Variants in FADS2 observed in about 807,000 individuals in gnomAD.
FADS2 encodes the protein acyl-CoA 6-desaturase.
Under a neutral mutation model 61.2 loss-of-function variants are expected in FADS2, and 18 were observed. The ratio of observed to expected loss-of-function variants is 0.29; its 90% CI spans 0.20 to 0.44. The LOEUF (loss-of-function observed/expected upper bound fraction) is 0.44, where lower values mean the gene tolerates loss of function less well. Ranked by LOEUF, FADS2 falls within the 20% of genes least tolerant of loss-of-function variation. The pLI, the probability that FADS2 is intolerant of heterozygous loss-of-function variation, is 1.00. For missense variants in FADS2, 322 were observed against 572.7 expected (o/e 0.56, Z 4.47); for synonymous variants, 203 against 223.9 (o/e 0.91, Z 0.83).
chr11:61,853,960 C>A (rs2067332927), intron 5 of FADS2, among the ~76,000 whole-genome samples: 1 of 152,198 alleles, frequency 6.6e-6, no homozygotes, highest in Non-Finnish European at 1.5e-5. Context: ...CCAAGCCTGG[C>A]CTTGAGGTGC....
chr11:61,825,208 T>A (rs978358568), upstream of FADS2, among the ~76,000 whole-genome samples: 4 of 152,220 alleles, frequency 2.6e-5, no homozygotes, highest in Admixed American at 2.6e-4. Flanking sequence ...GGTCCCATTA[T>A]CTATTCATTT....
chr11:61,828,158 G>A, upstream of FADS2: 1 of 1,401,940 alleles, frequency 7.1e-7, no homozygotes, highest in East Asian at 2.7e-5. This position sits in a 1 kb window ranked among gnomAD's most constrained non-coding sequence, Gnocchi z 6.4. Flanking sequence ...GGAGGAAGGG[G>A]ACCGCTTGGG....
chr11:61,816,222 C>T, upstream of FADS2: 1 of 1,587,316 alleles, frequency 6.3e-7, no homozygotes, highest in Admixed American at 1.7e-5. The surrounding 1 kb of genome is among the most constrained non-coding windows in gnomAD (Gnocchi z 7.0). Flanking sequence ...CTCCTCCCTC[C>T]TAGCCTACCC....
chr11:61,853,391 A>G (rs2067327875), intron 5 of FADS2, among the ~76,000 whole-genome samples: 1 of 146,238 alleles, frequency 6.8e-6, no homozygotes, highest in Admixed American at 7.0e-5. Context: ...TAATAGCTCC[A>G]CTCTGTTTTC....
At chr11:61,834,345 C>T (rs2067152856) in intron 1 of FADS2, among the ~76,000 whole-genome samples, 1 of 152,244 alleles carries the variant, frequency 6.6e-6, no homozygotes, top group African/African-American at 2.4e-5. Context: ...TGGATTTGAT[C>T]CTGGCTCTGC....
At chr11:61,864,771 A>G (rs1469979073) in intron 10 of FADS2, among the ~76,000 whole-genome samples, 3 of 152,122 alleles carry the variant, frequency 2.0e-5, no homozygotes, top group Non-Finnish European at 2.9e-5. Context: ...TCTGGCCTCA[A>G]GTGATCTGCC....
Position 61,866,318 on chromosome 11 carries a change from A to C in FADS2, c.*629A>C. ...AGGCCCGCGGGCACAGCCAGCCCAA[A>C]CCTTGGGCCCTGGAAGAGTCCTCCA... is the stretch of plus-strand genomic sequence containing the variant. On this transcript the variant is annotated 3_prime_UTR_variant, in exon 12 of 12. Coordinates refer to ENST00000278840, the MANE Select transcript of FADS2 (RefSeq NM_004265.4). 1 of 247,828 alleles carries C rather than the reference A, an allele frequency of 4.0e-6. No individual in the cohort carries two copies. Among genetic ancestry groups the C allele is most frequent in the East Asian group, 7.2e-5 (1 of 13,826 alleles). 15.4% of individuals were successfully genotyped at this position (247,828 alleles called of 1,614,324 possible).
At chr11:61,845,472 AC>A (rs912383364) in intron 4 of FADS2, among the ~76,000 whole-genome samples, 2 of 152,138 alleles carry the variant, frequency 1.3e-5, no homozygotes, top group African/African-American at 4.8e-5. Flanking sequence ...CTCTTGAAGG[AC>A]AAGCAGGGCT....
chr11:61,844,112 AT>A (rs982504607), intron 4 of FADS2, among the ~76,000 whole-genome samples: 3 of 152,108 alleles, frequency 2.0e-5, no homozygotes, highest in South Asian at 2.1e-4. Flanking sequence ...TTAATGGTTG[AT>A]TTTTTTTCCA....
upstream of FADS2, among the ~76,000 whole-genome samples, chr11:61,823,666 A>C (rs1242409981): frequency 3.3e-5 from 5 of 152,104 alleles, no homozygotes; most frequent in African/African-American, 1.2e-4. Context: ...ATAGGCATGC[A>C]CCACCACATC....
rs58136105 is a variant in FADS2, at chr11:61,861,353, C to CAAAA, written c.883-1604_883-1601dup. 1.1e-3 allele frequency among the ~76,000 whole-genome samples: 34 copies of CAAAA among 29,742 alleles called. 2 individuals carry two copies. The highest frequency in any genetic ancestry group is 2.4e-3 in the African/African-American group (25 of 10,592). The allele number at this position is 29,742 out of a possible 152,430, so 19.5% of individuals were successfully genotyped here. A position where few individuals can be genotyped will look rare whatever the true frequency, so the allele number is the denominator to read the frequency against. On this transcript the variant is annotated intron_variant, in intron 7 of 11. Transcript: ENST00000278840. ...TGGGCGACAGAGCGAGACTCCCTCT[C>CAAAA]AAAAAAAAAAAAAAAAAACAGAAAT...
rs1406100227 is a variant in FADS2, at chr11:61,857,470, C to T, written c.822C>T (p.Leu274=). 3.7e-6 allele frequency: 6 copies of T among 1,614,050 alleles called. No homozygotes were observed. The highest frequency in any genetic ancestry group is 4.5e-5 in the East Asian group (2 of 44,882). Reference sequence around the variant, plus strand: ...CTCCTGCAGTTGGGCCGCCGCTGCTCATCCCCATGTATTTCCAGTACCAGA... The same window carrying T: ...CTCCTGCAGTTGGGCCGCCGCTGCTTATCCCCATGTATTTCCAGTACCAGA... ...EYFFLIGPPL[L]IPMYFQYQII... is the part of the protein sequence containing the mutation. Residue 274 remains leucine, a synonymous_variant, in exon 7 of 12, where the codon CTC becomes CTT. Coordinates refer to ENST00000278840, the MANE Select transcript of FADS2 (RefSeq NM_004265.4).
chr11:61,822,799 T>C (rs1475937954), intron 1 of FADS2, among the ~76,000 whole-genome samples: 1 of 152,212 alleles, frequency 6.6e-6, no homozygotes, highest in Non-Finnish European at 1.5e-5. Flanking sequence ...TAAACACACA[T>C]ATATATACTC....
At chr11:61,836,661 G>A (rs908756284) in intron 1 of FADS2, among the ~76,000 whole-genome samples, 2 of 152,330 alleles carry the variant, frequency 1.3e-5, no homozygotes, top group East Asian at 1.9e-4. Context: ...GAGCCCCTGC[G>A]ACCAGTCAAG....
Position 61,816,677 on chromosome 11 carries a change from G to C in FADS2, c.141+251G>C. The C allele has an allele frequency of 6.3e-7, 1 of 1,591,932 alleles. No individual in the cohort carries two copies. ...AGCCACCGCTCCTCGCACCCTGAGC[G>C]CTGGGCCACCTCGTCCCAGGTGAAG... is the stretch of plus-strand genomic sequence containing the variant. On this transcript the variant is annotated intron_variant, in intron 1 of 11. Coordinates refer to the FADS2 transcript ENST00000257261. The surrounding 1 kb of genome is among the most constrained non-coding windows in gnomAD (Gnocchi z 7.0).
chr11:61,828,771 G>C lies in FADS2; in HGVS notation c.207+174G>C. 1.6e-6 allele frequency: 1 copy of C among 607,858 alleles called. No homozygotes were observed. The highest frequency in any genetic ancestry group is 2.8e-6 in the Non-Finnish European group (1 of 351,050). The allele number at this position is 607,858 out of a possible 1,614,324, so 37.7% of individuals were successfully genotyped here. On this transcript the variant is annotated intron_variant, in intron 1 of 11. Coordinates refer to ENST00000278840, the MANE Select transcript of FADS2 (RefSeq NM_004265.4). This position sits in a 1 kb window ranked among gnomAD's most constrained non-coding sequence, Gnocchi z 6.4. Reference sequence around the variant, plus strand: ...CCCTCCCCAATCCTCCTCCTCCTCTGGGCCGACTGGGGTGGAGACCGGATC... The same window carrying C: ...CCCTCCCCAATCCTCCTCCTCCTCTCGGCCGACTGGGGTGGAGACCGGATC...
At position 61,866,166 on chromosome 11, in the gene FADS2, T is replaced by A; in HGVS notation, c.*477T>A. On this transcript the variant is annotated 3_prime_UTR_variant, in exon 12 of 12. Transcript: ENST00000278840. ...GGCCCCTGACCCTCCCGGCCTGGCT[T>A]CACTCTCCCTGACGGCTGCCATTGG... The A allele has an allele frequency of 2.5e-6, 1 of 398,516 alleles. No individual in the cohort carries two copies. The highest frequency in any genetic ancestry group is 4.4e-6 in the Non-Finnish European group (1 of 226,526). The allele number at this position is 398,516 out of a possible 1,614,324, so 24.7% of individuals were successfully genotyped here. A position where few individuals can be genotyped will look rare whatever the true frequency, so the allele number is the denominator to read the frequency against.
At chr11:61,858,930 T>C (rs910286299) in intron 7 of FADS2, among the ~76,000 whole-genome samples, 1 of 152,224 alleles carries the variant, frequency 6.6e-6, no homozygotes, top group African/African-American at 2.4e-5. Flanking sequence ...TGTCACTTTC[T>C]GAAATGCTTG....
chr11:61,824,435 G>GAGAGA (rs2067057669), upstream of FADS2, among the ~76,000 whole-genome samples: 2 of 4,632 alleles, frequency 4.3e-4, no homozygotes, highest in African/African-American at 7.2e-4. Context: ...AGAGAGAGAG[G>GAGAGA]GAGGGAGGGA....
Sources: gnomAD v4.1 joint callset for allele counts (sites outside exome capture counted in the v4.1 genomes callset) on GRCh38, gnomAD v4.1.1 for gene constraint, Gnocchi (gnomAD v3.1) non-coding constraint, MANE v1.5 for transcripts, NCBI Gene and HGNC (gene_info 2026-07-23, HGNC 2026-07-21) for gene names.